Variants in CACNA2D3 observed in about 807,000 individuals in gnomAD.
CACNA2D3 encodes the protein voltage-dependent calcium channel subunit alpha-2/delta-3.
A neutral mutation model predicts 160.6 loss-of-function variants in CACNA2D3; 60 were observed. The ratio of observed to expected loss-of-function variants is 0.37; its 90% CI spans 0.30 to 0.46. CACNA2D3 has a LOEUF of 0.46. CACNA2D3 is among the 20% of genes least tolerant of loss of function. CACNA2D3 has a pLI of 1.00. For synonymous variants in CACNA2D3, 558 were observed against 492.9 expected (o/e 1.13, Z -1.75); for missense variants, 1,205 against 1,365.0 (o/e 0.88, Z 1.85).
At position 54,279,247 on chromosome 3, in the gene CACNA2D3, C is replaced by T. The variant is rs536599567; in HGVS notation, c.205-41195C>T. On this transcript the variant is annotated intron_variant, in intron 2 of 37. Transcript: ENST00000474759. ...GGGGTGAGGTGCAGATTCTGACTAA[C>T]GAATGGAAATAATTGAAACATTACG... Among the ~76,000 whole-genome samples the T allele has an allele frequency of 3.9e-5, 6 of 152,202 alleles. No homozygotes were observed. The South Asian group carries it at 6.2e-4, about 16-fold the overall frequency.
chr3:54,903,604 C>A (rs1411329440), intron 27 of CACNA2D3, among the ~76,000 whole-genome samples: 1 of 152,204 alleles, frequency 6.6e-6, no homozygotes, highest in Non-Finnish European at 1.5e-5. Context: ...GATGGTAGTT[C>A]TGTTTCCAGC....
chr3:54,957,198 C>T (rs1280010471), intron 27 of CACNA2D3, among the ~76,000 whole-genome samples: 1 of 151,720 alleles, frequency 6.6e-6, no homozygotes, highest in East Asian at 1.9e-4. Context: ...GGGTTTCTGT[C>T]CCCCAGGCTG....
At chr3:54,291,873 T>C (rs1703215379) in intron 2 of CACNA2D3, among the ~76,000 whole-genome samples, 1 of 152,224 alleles carries the variant, frequency 6.6e-6, no homozygotes, top group African/African-American at 2.4e-5. Flanking sequence ...TGCTGAACAC[T>C]GTGCTAAACA....
At chr3:55,054,014 A>AT (rs1295647765) in intron 35 of CACNA2D3, among the ~76,000 whole-genome samples, 2 of 149,088 alleles carry the variant, frequency 1.3e-5, no homozygotes, top group South Asian at 2.1e-4. Context: ...TTATGATTCC[A>AT]TTTTTTTCCT....
intron 27 of CACNA2D3, among the ~76,000 whole-genome samples, chr3:54,936,320 C>T (rs1048748220): frequency 1.3e-5 from 2 of 152,096 alleles, no homozygotes; most frequent in African/African-American, 4.8e-5. Context: ...AGTATTCTGC[C>T]CGTGGACAGA....
At chr3:54,175,519 A>T (rs1700662542) in intron 2 of CACNA2D3, among the ~76,000 whole-genome samples, 1 of 149,884 alleles carries the variant, frequency 6.7e-6, no homozygotes. Flanking sequence ...AGGCTGAGGC[A>T]GGAGAATGGT....
intron 35 of CACNA2D3, among the ~76,000 whole-genome samples, chr3:55,030,615 A>T (rs1703666552): frequency 6.6e-6 from 1 of 152,178 alleles, no homozygotes; most frequent in Non-Finnish European, 1.5e-5. Context: ...CAAAGATACT[A>T]TAATAATTGG....
At chr3:54,319,414 G>C (rs1703940970) in intron 2 of CACNA2D3, among the ~76,000 whole-genome samples, 1 of 152,038 alleles carries the variant, frequency 6.6e-6, no homozygotes, top group African/African-American at 2.4e-5. Context: ...AAGAGCTTGG[G>C]GTGAGGAATT....
intron 5 of CACNA2D3, among the ~76,000 whole-genome samples, chr3:54,515,222 AAGAG>A (rs762033191): frequency 1.1e-4 from 13 of 117,534 alleles, no homozygotes; most frequent in African/African-American, 2.0e-4. Context: ...GAGAGAGAGA[AAGAG>A]AGAGAGGATA....
At chr3:54,168,365 T>C (rs773800006) in intron 2 of CACNA2D3, among the ~76,000 whole-genome samples, 8 of 152,206 alleles carry the variant, frequency 5.3e-5, no homozygotes, top group East Asian at 1.9e-4. Flanking sequence ...AAAAATATCA[T>C]TGGAATTTTC....
At chr3:54,697,541 A>AT (rs1700687093) in intron 11 of CACNA2D3, among the ~76,000 whole-genome samples, 1 of 152,124 alleles carries the variant, frequency 6.6e-6, no homozygotes, top group Admixed American at 6.6e-5. Flanking sequence ...ACTCCCAAGA[A>AT]TACATGTTCA....
At chr3:54,712,257 T>G (rs1700965749) in intron 11 of CACNA2D3, among the ~76,000 whole-genome samples, 1 of 152,218 alleles carries the variant, frequency 6.6e-6, no homozygotes, top group Non-Finnish European at 1.5e-5. Context: ...CTGACAGTTC[T>G]TGGAGTCAGA....
intron 4 of CACNA2D3, among the ~76,000 whole-genome samples, chr3:54,484,396 T>C (rs1700982038): frequency 6.6e-6 from 1 of 152,202 alleles, no homozygotes; most frequent in South Asian, 2.1e-4. Context: ...TCACCTTTTT[T>C]TTCCTTTTAA....
intron 13 of CACNA2D3, among the ~76,000 whole-genome samples, chr3:54,791,425 A>T (rs187445116): frequency 1.2e-4 from 18 of 152,358 alleles, no homozygotes; most frequent in Admixed American, 9.8e-4. Context: ...AGCTAAGTTC[A>T]TATGTGATTA....
In CACNA2D3 at chr3:54,186,464, A is replaced by G. The variant is rs535998710; in HGVS notation, c.204+62870A>G. On this transcript the variant is annotated intron_variant, in intron 2 of 37. Coordinates refer to ENST00000474759, the MANE Select transcript of CACNA2D3 (RefSeq NM_018398.3). ...GCATGTAAAACAGAAAAGCTGGGTG[A>G]AAATGATAATTTAGGGGGCATTGGG... Among the ~76,000 whole-genome samples, 28 of 152,280 alleles carry G rather than the reference A, an allele frequency of 1.8e-4. No individual in the cohort carries two copies. In the East Asian group the frequency reaches 5.0e-3, roughly 27 times the overall value.
intron 14 of CACNA2D3, among the ~76,000 whole-genome samples, chr3:54,819,933 A>C: frequency 6.6e-6 from 1 of 152,176 alleles, no homozygotes. Context: ...TTGGTCTTGA[A>C]ACCCCAACAA....
intron 35 of CACNA2D3, among the ~76,000 whole-genome samples, chr3:55,043,373 G>A (rs1349982150): frequency 6.7e-6 from 1 of 149,518 alleles, no homozygotes; most frequent in Non-Finnish European, 1.5e-5. Context: ...TACCATAGTG[G>A]CATCTCATTG....
intron 35 of CACNA2D3, among the ~76,000 whole-genome samples, chr3:55,035,656 A>G (rs556400294): frequency 3.9e-5 from 6 of 152,182 alleles, no homozygotes; most frequent in African/African-American, 1.4e-4. Context: ...CTCCGTTATA[A>G]AGGACATGGG....
At chr3:54,427,901 T>G (rs868173500) in intron 4 of CACNA2D3, among the ~76,000 whole-genome samples, 1 of 152,210 alleles carries the variant, frequency 6.6e-6, no homozygotes, top group Admixed American at 6.5e-5. Context: ...GCAAGGAGCT[T>G]CTTTTGCGGG....
Sources: allele counts gnomAD v4.1 joint callset (sites outside exome capture counted in the v4.1 genomes callset), GRCh38; gene constraint gnomAD v4.1.1; transcripts MANE v1.5; gene names NCBI Gene and HGNC (gene_info 2026-07-23, HGNC 2026-07-21).